The following CLCN5 variants were observed in gnomAD, a reference collection of about 807,000 sequenced individuals.
CLCN5 encodes the protein Cl-/H+ antiporter 5, also known as H(+)/Cl(-) exchange transporter 5.
A neutral mutation model predicts 54.0 loss-of-function variants in CLCN5; 17 were observed. That is an observed-to-expected ratio of 0.31 (90% CI 0.22 to 0.47). The LOEUF is 0.47. CLCN5 is among the 20% of genes least tolerant of loss of function. CLCN5 has a pLI of 1.00. For synonymous variants in CLCN5, 222 were observed against 233.0 expected (o/e 0.95, Z 0.43); for missense variants, 448 against 646.7 (o/e 0.69, Z 3.33).
chrX:49,943,653 C>A lies in CLCN5; in HGVS notation c.16+18339C>A, dbSNP rs782751469. Among the ~76,000 whole-genome samples, 660 of 109,681 alleles carry A rather than the reference C, an allele frequency of 6.0e-3. 5 individuals carry two copies. Among genetic ancestry groups the A allele is most frequent in the African/African-American group, 0.02 (608 of 29,818 alleles). On this transcript the variant is annotated intron_variant, in intron 3 of 14. Transcript: ENST00000376091. ...CAGTTTTCCCAGCACCATTTATTAA[C>A]TAGGGAATCCTTTCCCCATTGCTTG...
At position 50,086,318 on chromosome X, in the gene CLCN5, T is replaced by C. The variant is rs782657646; in HGVS notation, c.1015-10T>C. On this transcript the variant is annotated splice_polypyrimidine_tract_variant and intron_variant, in intron 10 of 14. Transcript: ENST00000376091. ...TGACTGAGTTTGCTTTCTCACCTTC[T>C]TTCTTCTAGGTCAGCTACTATTTTC... The C allele has an allele frequency of 8.3e-7, 1 of 1,206,245 alleles. No homozygotes were observed. Among genetic ancestry groups the C allele is most frequent in the Non-Finnish European group, 1.1e-6 (1 of 891,888 alleles).
At chrX:50,003,748 C>T (rs1329703669) in intron 3 of CLCN5, among the ~76,000 whole-genome samples, 1 of 112,206 alleles carries the variant, frequency 8.9e-6, no homozygotes, top group East Asian at 2.8e-4. Context: ...GGAGACTTCT[C>T]TTAGCTTTCT....
Position 50,060,614 on chromosome X carries a change from A to G in CLCN5, c.164-9265A>G, listed in dbSNP as rs1300268384. ...CGCCATTGCCCAGGCTTGCTTAGGTAAACAAAGCAGCGGGGAAGCTCGAAC... is the reference window on the plus strand; with the variant it reads ...CGCCATTGCCCAGGCTTGCTTAGGTGAACAAAGCAGCGGGGAAGCTCGAAC... On this transcript the variant is annotated intron_variant, in intron 4 of 14. Transcript: ENST00000376091. 1.2e-4 allele frequency among the ~76,000 whole-genome samples: 13 copies of G among 110,375 alleles called. No individual in the cohort carries two copies. In the Admixed American group the frequency reaches 1.2e-3, roughly 10 times the overall value.
chrX:49,956,946 T>C (rs1927356325), intron 3 of CLCN5, among the ~76,000 whole-genome samples: 1 of 111,669 alleles, frequency 9.0e-6, no homozygotes. Context: ...GTATAGGCAA[T>C]TGAGCTAGTA....
intron 3 of CLCN5, among the ~76,000 whole-genome samples, chrX:49,941,239 T>C (rs1557170845): frequency 9.0e-6 from 1 of 110,505 alleles, no homozygotes; most frequent in Non-Finnish European, 1.9e-5. Context: ...TGAGAATTGC[T>C]TGAACCCAGG....
rs951326518 is a variant in CLCN5, at chrX:50,093,595, G to C, written c.*1376G>C. The C allele has an allele frequency of 1.8e-5, 2 of 111,244 alleles. No individual in the cohort carries two copies. The highest frequency in any genetic ancestry group is 6.6e-5 in the African/African-American group (2 of 30,459). 9.2% of individuals were successfully genotyped at this position (111,244 alleles called of 1,213,427 possible). A position where few individuals can be genotyped will look rare whatever the true frequency, so the allele number is the denominator to read the frequency against. ...AAAAAATCACACTCTGGGGACACTT[G>C]GTGGAATTACAGAGCCACCATCATC... On this transcript the variant is annotated 3_prime_UTR_variant, in exon 15 of 15. Coordinates refer to ENST00000376091, the MANE Select transcript of CLCN5 (RefSeq NM_001127898.4).
intron 9 of CLCN5, among the ~76,000 whole-genome samples, chrX:50,083,092 G>T (rs1933763305): frequency 9.2e-6 from 1 of 108,906 alleles, no homozygotes; most frequent in African/African-American, 3.4e-5. Flanking sequence ...TATTTTCTTT[G>T]AATTACAAAG....
chrX:50,019,475 T>C (rs1209818142), intron 3 of CLCN5, among the ~76,000 whole-genome samples: 95 of 93,795 alleles, frequency 1.0e-3, no homozygotes, highest in Non-Finnish European at 1.6e-3. Context: ...TTTCTTTTTT[T>C]TTTTTTTTTT....
intron 3 of CLCN5, among the ~76,000 whole-genome samples, chrX:49,927,215 T>A (rs1925393170): frequency 8.9e-6 from 1 of 112,317 alleles, no homozygotes; most frequent in African/African-American, 3.2e-5. Flanking sequence ...CTGTAGTTAA[T>A]GGAAATGTCA....
intron 3 of CLCN5, among the ~76,000 whole-genome samples, chrX:49,995,442 A>G (rs1050407953): frequency 2.7e-5 from 3 of 111,875 alleles, no homozygotes; most frequent in East Asian, 5.6e-4. Context: ...GAGCAAGGGT[A>G]AAGTCAGTCC....
intron 8 of CLCN5, among the ~76,000 whole-genome samples, chrX:50,081,283 G>C (rs1294790586): frequency 1.8e-5 from 2 of 109,680 alleles, no homozygotes; most frequent in Non-Finnish European, 3.8e-5. Flanking sequence ...TTGTTTCAGG[G>C]ACATTAGCCT....
chrX:49,999,231 G>A (rs1929681026), intron 3 of CLCN5, among the ~76,000 whole-genome samples: 1 of 110,584 alleles, frequency 9.0e-6, no homozygotes, highest in Admixed American at 9.6e-5. Flanking sequence ...GAGAGGAGGT[G>A]ACTCCTTACC....
intron 3 of CLCN5, among the ~76,000 whole-genome samples, chrX:50,005,826 C>T (rs781882156): frequency 6.0e-4 from 67 of 111,735 alleles, no homozygotes; most frequent in African/African-American, 2.1e-3. Context: ...TGGAATCTGC[C>T]ATGTCTTCAA....
At position 50,016,139 on chromosome X, in the gene CLCN5, C is replaced by G. The variant is rs781793632; in HGVS notation, c.17-26177C>G. Among the ~76,000 whole-genome samples the G allele has an allele frequency of 5.4e-5, 6 of 111,625 alleles. No homozygotes were observed. In the East Asian group the frequency reaches 1.1e-3, roughly 21 times the overall value. ...TAAACTCTCAGGCCTCACCTCAGACCTAGGTAATCAGAAAGTCAGGGGTGG... is the reference window on the plus strand; with the variant it reads ...TAAACTCTCAGGCCTCACCTCAGACGTAGGTAATCAGAAAGTCAGGGGTGG... On this transcript the variant is annotated intron_variant, in intron 3 of 14. Coordinates refer to ENST00000376091, the MANE Select transcript of CLCN5 (RefSeq NM_001127898.4).
In CLCN5 at chrX:50,007,442, A is replaced by T. The variant is rs1311298189; in HGVS notation, c.17-34874A>T. Among the ~76,000 whole-genome samples, 228 of 71,045 alleles carry T rather than the reference A, an allele frequency of 3.2e-3. 1 individual carries two copies. The highest frequency in any genetic ancestry group is 3.5e-3 in the Non-Finnish European group (127 of 36,725). 61.7% of individuals were successfully genotyped at this position (71,045 alleles called of 115,157 possible). ...CTCTCTCTCTCTCTCTCTCTCTGTC[A>T]CACACACACACACACACACACACAC... is the stretch of plus-strand genomic sequence containing the variant. On this transcript the variant is annotated intron_variant, in intron 3 of 14. Coordinates refer to ENST00000376091, the MANE Select transcript of CLCN5 (RefSeq NM_001127898.4).
In CLCN5 at chrX:50,076,035, TTATTTCTTATAC is replaced by T. The variant is rs1360788453; in HGVS notation, c.603+55_603+66del. ...ATTGACTTTTCTTCTTACATTTATT[TTATTTCTTATAC>T]TGTGCTCACAGCAATTGCGGAATCT... On this transcript the variant is annotated intron_variant, in intron 7 of 14. Coordinates refer to ENST00000376091, the MANE Select transcript of CLCN5 (RefSeq NM_001127898.4). The T allele has an allele frequency of 1.0e-5, 11 of 1,063,311 alleles. No homozygotes were observed. In the African/African-American group the frequency reaches 1.3e-4, roughly 12 times the overall value. The allele number at this position is 1,063,311 out of a possible 1,213,427, so 87.6% of individuals were successfully genotyped here.
chrX:50,065,727 G>C (rs782338044), intron 4 of CLCN5, among the ~76,000 whole-genome samples: 1 of 106,198 alleles, frequency 9.4e-6, no homozygotes, highest in Non-Finnish European at 1.9e-5. Flanking sequence ...GTTCATTGCG[G>C]CATTATTCAC....
chrX:49,981,096 C>T (rs1340883441), intron 3 of CLCN5, among the ~76,000 whole-genome samples: 3 of 111,573 alleles, frequency 2.7e-5, no homozygotes, highest in Non-Finnish European at 5.7e-5. Flanking sequence ...ATGAATTTCT[C>T]TCACACATTG....
chrX:50,053,846 T>C (rs1932663486), intron 4 of CLCN5, among the ~76,000 whole-genome samples: 1 of 111,680 alleles, frequency 9.0e-6, no homozygotes, highest in Admixed American at 9.6e-5. Flanking sequence ...CTTCTATTAA[T>C]AGCTCAATTC....
Sources: gnomAD v4.1 joint callset for allele counts (sites outside exome capture counted in the v4.1 genomes callset) on GRCh38, gnomAD v4.1.1 for gene constraint, MANE v1.5 for transcripts, NCBI Gene and HGNC (gene_info 2026-07-23, HGNC 2026-07-21) for gene names.